The following NBAS variants were observed in gnomAD, a reference collection of about 807,000 sequenced individuals.
The protein encoded by NBAS is NAG/BC035112 fusion.
NBAS carries 219 observed loss-of-function variants against 302.5 expected under a neutral mutation model. The ratio of observed to expected loss-of-function variants is 0.72; its 90% confidence interval spans 0.65 to 0.81. The LOEUF (loss-of-function observed/expected upper bound fraction) is 0.81. NBAS is among the 30% of genes least tolerant of loss of function. NBAS has a pLI of 0.00. For missense variants in NBAS, 2,932 were observed against 2,841.6 expected (o/e 1.03, Z -0.72); for synonymous variants, 1,118 against 1,021.6 (o/e 1.09, Z -1.80).
At chr2:14,785,633 T>A in the NBAS span, among the ~76,000 whole-genome samples, 1 of 152,142 alleles carries the variant, frequency 6.6e-6, no homozygotes, top group Non-Finnish European at 1.5e-5. Flanking sequence ...TATTGATTTG[T>A]GTATATTGAA....
At chr2:14,947,882 G>A in the NBAS span, among the ~76,000 whole-genome samples, 1 of 151,726 alleles carries the variant, frequency 6.6e-6, no homozygotes, top group Non-Finnish European at 1.5e-5. Context: ...AAGATCATAT[G>A]GTTTTTGTTC....
In NBAS at chr2:15,473,387, G is replaced by A. The variant is rs769547204; in HGVS notation, c.1600-40C>T. On this transcript the variant is annotated intron_variant, in intron 15 of 51. Coordinates refer to ENST00000281513, the MANE Select transcript of NBAS (RefSeq NM_015909.4). ...ACGAGGACAGGAATGTTACATGACT[G>A]AATTATCCACAGGGTCCTGATGATG... The A allele has an allele frequency of 5.0e-6, 8 of 1,609,444 alleles. No homozygotes were observed. In the South Asian group the frequency reaches 7.7e-5, roughly 16 times the overall value.
At chr2:15,195,197 T>C (rs1317622371) in intron 48 of NBAS, among the ~76,000 whole-genome samples, 1 of 152,170 alleles carries the variant, frequency 6.6e-6, no homozygotes, top group Non-Finnish European at 1.5e-5. Context: ...GCCACTGTGA[T>C]AGGATTAAGA....
intron 35 of NBAS, among the ~76,000 whole-genome samples, chr2:15,349,168 G>A (rs1673234359): frequency 6.6e-6 from 1 of 152,186 alleles, no homozygotes; most frequent in Non-Finnish European, 1.5e-5. Flanking sequence ...GCTGGAGGCA[G>A]GCAGAGTAGG....
intron 44 of NBAS, among the ~76,000 whole-genome samples, chr2:15,239,692 A>G (rs966984631): frequency 6.7e-6 from 1 of 148,292 alleles, no homozygotes; most frequent in African/African-American, 2.5e-5. Context: ...GTATTCAGAC[A>G]TATGCATATA....
At chr2:14,839,971 G>A in the NBAS span, among the ~76,000 whole-genome samples, 1 of 151,994 alleles carries the variant, frequency 6.6e-6, no homozygotes, top group Non-Finnish European at 1.5e-5. Flanking sequence ...GACAGTGAAT[G>A]TAAGCTTTCT....
At chr2:15,287,606 A>G (rs1205910697) in intron 41 of NBAS, among the ~76,000 whole-genome samples, 3 of 151,530 alleles carry the variant, frequency 2.0e-5, no homozygotes, top group African/African-American at 7.3e-5. Flanking sequence ...GGCATCTCCC[A>G]GTAGGCATCC....
chr2:15,290,654 G>C (rs1161687159), intron 41 of NBAS, among the ~76,000 whole-genome samples: 1 of 152,188 alleles, frequency 6.6e-6, no homozygotes, highest in East Asian at 1.9e-4. Context: ...GTGACTTTGA[G>C]CAACTCTTTA....
chr2:15,362,624 T>C (rs996306347), intron 32 of NBAS, among the ~76,000 whole-genome samples: 1 of 152,208 alleles, frequency 6.6e-6, no homozygotes, highest in Non-Finnish European at 1.5e-5. Context: ...GAATATGTAA[T>C]GTTTCTCTAT....
At chr2:15,132,397 T>G in the NBAS span, among the ~76,000 whole-genome samples, 1 of 152,054 alleles carries the variant, frequency 6.6e-6, no homozygotes, top group Non-Finnish European at 1.5e-5. Context: ...AAAAGATCAG[T>G]GGTTTCCAGG....
chr2:14,940,695 G>A, the NBAS span, among the ~76,000 whole-genome samples: 1 of 152,084 alleles, frequency 6.6e-6, no homozygotes, highest in Non-Finnish European at 1.5e-5. Flanking sequence ...CCAGAAATGG[G>A]GACCCTTTTA....
At chr2:14,817,048 G>T in the NBAS span, among the ~76,000 whole-genome samples, 4 of 152,154 alleles carry the variant, frequency 2.6e-5, no homozygotes, top group African/African-American at 9.7e-5. Flanking sequence ...GAGAAGAGAG[G>T]ATTTGCTCTG....
the NBAS span, among the ~76,000 whole-genome samples, chr2:14,905,300 T>A: frequency 6.6e-6 from 1 of 152,184 alleles, no homozygotes; most frequent in East Asian, 1.9e-4. Context: ...TTAAATGGAG[T>A]AACTCTAGTG....
intron 44 of NBAS, among the ~76,000 whole-genome samples, chr2:15,245,664 T>C (rs72776632): frequency 0.28 from 37,235 of 132,296 alleles, 5,234 homozygotes; most frequent in East Asian, 0.62. Flanking sequence ...GACGGACGGA[T>C]GGATGGATGG....
At chr2:14,912,531 G>A in the NBAS span, among the ~76,000 whole-genome samples, 1 of 151,992 alleles carries the variant, frequency 6.6e-6, no homozygotes, top group South Asian at 2.1e-4. Flanking sequence ...ATGACCCAGG[G>A]ACTGAGAAGG....
At chr2:15,379,080 G>T (rs1008828322) in intron 30 of NBAS, among the ~76,000 whole-genome samples, 1 of 152,082 alleles carries the variant, frequency 6.6e-6, no homozygotes, top group Non-Finnish European at 1.5e-5. Flanking sequence ...TAAGAGGGGT[G>T]AGCTAAAATA....
At chr2:15,518,123 C>A in intron 9 of NBAS, among the ~76,000 whole-genome samples, 1 of 96,186 alleles carries the variant, frequency 1.0e-5, no homozygotes. Context: ...TTAATGAAGT[C>A]TAGGGGAAAA....
At chr2:15,403,863 TC>T (rs1676272346) in intron 25 of NBAS, among the ~76,000 whole-genome samples, 1 of 100,928 alleles carries the variant, frequency 9.9e-6, no homozygotes, top group South Asian at 3.0e-4. Flanking sequence ...TTTCCTTCCT[TC>T]GTGTGTGTGT....
At chr2:15,114,980 G>A in the NBAS span, among the ~76,000 whole-genome samples, 1 of 152,166 alleles carries the variant, frequency 6.6e-6, no homozygotes, top group Non-Finnish European at 1.5e-5. Flanking sequence ...ACTTACATAT[G>A]TTTGTAATGC....
Sources: allele counts gnomAD v4.1 joint callset (sites outside exome capture counted in the v4.1 genomes callset), GRCh38; gene constraint gnomAD v4.1.1; transcripts MANE v1.5; gene names NCBI Gene and HGNC (gene_info 2026-07-23, HGNC 2026-07-21).